Variants in CCDC102B observed in about 807,000 individuals in gnomAD.
CCDC102B encodes coiled-coil domain containing 102B, also known as coiled-coil domain-containing protein 102B.
A neutral mutation model predicts 57.4 loss-of-function variants in CCDC102B; 75 were observed. That is an observed-to-expected ratio of 1.31 (90% CI 1.08 to 1.58). The LOEUF is 1.58. Among genes scored for constraint, CCDC102B ranks in the 40% most tolerant of loss-of-function variants. The pLI is 0.00. For missense variants in CCDC102B, 636 were observed against 582.6 expected, an observed-to-expected ratio of 1.09 and a Z score of -0.94; for synonymous variants, 206 against 201.9, an observed-to-expected ratio of 1.02 and a Z score of -0.17.
intron 6 of CCDC102B, among the ~76,000 whole-genome samples, chr18:68,929,252 G>T (rs1363320563): frequency 6.6e-6 from 1 of 151,892 alleles, no homozygotes. Context: ...CACAGCAGGG[G>T]TGTTGAAGTC....
intron 7 of CCDC102B, among the ~76,000 whole-genome samples, chr18:69,013,170 C>T (rs902805324): frequency 5.3e-5 from 8 of 152,030 alleles, no homozygotes; most frequent in Admixed American, 4.6e-4. Flanking sequence ...ATGATCTATT[C>T]GCACAATGGA....
intron 1 of CCDC102B, among the ~76,000 whole-genome samples, chr18:68,821,069 G>T (rs567578777): frequency 1.4e-4 from 21 of 152,238 alleles, no homozygotes; most frequent in African/African-American, 5.1e-4. Context: ...TGGCTTCCCA[G>T]TGTGGTTCAT....
In CCDC102B at chr18:68,778,540, T is replaced by A. The variant is rs79971956; in HGVS notation, c.-66-44826T>A. ...ATGTCATCAGGTCAAATCTTTTTTT[T>A]AAAAATAAGTAGTGAACAAACAAAG... On this transcript the variant is annotated intron_variant, in intron 2 of 3. Coordinates refer to the CCDC102B transcript ENST00000578970. Among the ~76,000 whole-genome samples the A allele has an allele frequency of 7.3e-3, 1,115 of 152,174 alleles. 16 individuals are homozygous for A. Among genetic ancestry groups the A allele is most frequent in the East Asian group, 0.072 (371 of 5,176 alleles).
chr18:68,742,205 A>G (rs2033422256), intron 2 of CCDC102B, among the ~76,000 whole-genome samples: 1 of 152,120 alleles, frequency 6.6e-6, no homozygotes, highest in Non-Finnish European at 1.5e-5. Flanking sequence ...GCTTCTGGTG[A>G]TGGCTGGCAG....
chr18:68,824,458 G>C (rs1434892284), intron 1 of CCDC102B, among the ~76,000 whole-genome samples: 1 of 152,204 alleles, frequency 6.6e-6, no homozygotes, highest in African/African-American at 2.4e-5. Flanking sequence ...AGCGAAGAGA[G>C]ATAGTTTGAC....
chr18:68,835,687 T>C (rs1293018087), intron 1 of CCDC102B, among the ~76,000 whole-genome samples: 1 of 152,204 alleles, frequency 6.6e-6, no homozygotes, highest in Admixed American at 6.5e-5. Flanking sequence ...GTATGCATTC[T>C]ACGTGTCATG....
chr18:68,955,337 A>G (rs2049814829), intron 6 of CCDC102B, among the ~76,000 whole-genome samples: 1 of 152,180 alleles, frequency 6.6e-6, no homozygotes, highest in South Asian at 2.1e-4. Context: ...GACATTTTGC[A>G]TAGCTACATA....
At chr18:68,844,773 G>T (rs1893438) in intron 3 of CCDC102B, among the ~76,000 whole-genome samples, 1 of 151,420 alleles carries the variant, frequency 6.6e-6, no homozygotes, top group Admixed American at 6.6e-5. Context: ...CATCTCAAAC[G>T]CAAGTAGTAA....
chr18:68,906,489 ATTTTGTGTTTTTGTTT>A (rs1331171938), intron 6 of CCDC102B, among the ~76,000 whole-genome samples: 2 of 151,900 alleles, frequency 1.3e-5, no homozygotes, highest in African/African-American at 4.8e-5. Context: ...AACACTTGTT[ATTTTGTGTTTTTGTTT>A]TGTTTTGTTT....
intron 1 of CCDC102B, among the ~76,000 whole-genome samples, chr18:68,805,949 C>T (rs895820982): frequency 6.6e-6 from 1 of 152,224 alleles, no homozygotes; most frequent in East Asian, 1.9e-4. Flanking sequence ...TTTCTCTCTG[C>T]TTATGTAACA....
At chr18:68,731,880 A>G (rs1379239729) in intron 2 of CCDC102B, among the ~76,000 whole-genome samples, 1 of 100,718 alleles carries the variant, frequency 9.9e-6, no homozygotes, top group Non-Finnish European at 2.3e-5. Flanking sequence ...GAATTAGTGC[A>G]AGCAAAGCTC....
In CCDC102B at chr18:69,010,185, G is replaced by A. The variant is rs577444621; in HGVS notation, c.1264-749G>A. ...TCTCCATCTTCTGACCTCGTGATCC[G>A]CCTGCCTCGGCCTCCCAAAGTGCTG... On this transcript the variant is annotated intron_variant, in intron 6 of 7. Coordinates refer to ENST00000360242, the MANE Select transcript of CCDC102B (RefSeq NM_024781.3). 7.7e-5 allele frequency among the ~76,000 whole-genome samples: 11 copies of A among 142,334 alleles called. No homozygotes were observed. In the South Asian group the frequency reaches 2.5e-3, roughly 32 times the overall value. 93.4% of individuals were successfully genotyped at this position (142,334 alleles called of 152,430 possible). A position where few individuals can be genotyped will look rare whatever the true frequency, so the allele number is the denominator to read the frequency against.
intron 6 of CCDC102B, among the ~76,000 whole-genome samples, chr18:68,948,408 C>T (rs1039615064): frequency 1.3e-5 from 2 of 152,082 alleles, no homozygotes; most frequent in Admixed American, 1.3e-4. Context: ...AATCTGCAAT[C>T]TAACACATGC....
At chr18:68,872,262 G>A (rs2039267692) in intron 4 of CCDC102B, among the ~76,000 whole-genome samples, 1 of 152,086 alleles carries the variant, frequency 6.6e-6, no homozygotes, top group African/African-American at 2.4e-5. Flanking sequence ...ACTAGAGGCT[G>A]GAGACAGACA....
intron 2 of CCDC102B, among the ~76,000 whole-genome samples, chr18:68,786,173 G>C (rs1472920108): frequency 1.3e-5 from 2 of 150,772 alleles, no homozygotes; most frequent in Admixed American, 1.3e-4. Context: ...GCTCTGTTCT[G>C]TTCCATTGAT....
At chr18:69,020,752 G>T (rs1223643210) in intron 7 of CCDC102B, among the ~76,000 whole-genome samples, 1 of 152,120 alleles carries the variant, frequency 6.6e-6, no homozygotes, top group African/African-American at 2.4e-5. Context: ...TCCTTTGAAT[G>T]CATATATTTG....
In CCDC102B at chr18:68,736,070, T is replaced by A. The variant is rs151184924; in HGVS notation, c.-67+19476T>A. ...CATATGCCAAATATCATATCCTTTA[T>A]ACAAAAACAATACTTTGTCACTGTA... On this transcript the variant is annotated intron_variant, in intron 2 of 3. Coordinates refer to the CCDC102B transcript ENST00000578970. 7.0e-4 allele frequency among the ~76,000 whole-genome samples: 107 copies of A among 152,366 alleles called. No individual in the cohort carries two copies. The East Asian group carries it at 0.019, about 27-fold the overall frequency.
At chr18:68,782,779 T>G (rs772645712) in intron 2 of CCDC102B, among the ~76,000 whole-genome samples, 8 of 152,232 alleles carry the variant, frequency 5.3e-5, no homozygotes, top group African/African-American at 1.4e-4. Flanking sequence ...GTTTGTGGTG[T>G]TGTGCTAGTC....
intron 6 of CCDC102B, among the ~76,000 whole-genome samples, chr18:68,990,006 T>C (rs1271640815): frequency 5.9e-5 from 9 of 152,220 alleles, no homozygotes; most frequent in African/African-American, 1.9e-4. Context: ...CCAGCTCCTC[T>C]GTATAGGACC....
Sources: gnomAD v4.1 joint callset for allele counts (sites outside exome capture counted in the v4.1 genomes callset) on GRCh38, gnomAD v4.1.1 for gene constraint, MANE v1.5 for transcripts, NCBI Gene and HGNC (gene_info 2026-07-23, HGNC 2026-07-21) for gene names.